The following MEIOSIN variants were observed in gnomAD, a reference collection of about 807,000 sequenced individuals.
The protein encoded by MEIOSIN is meiosis initiator protein.
In MEIOSIN, 18 loss-of-function variants were observed where a neutral mutation model predicts 23.4. The observed-to-expected ratio is 0.77, with a 90% CI of 0.53 to 1.14. The LOEUF is 1.14. MEIOSIN is among the 50% of genes most tolerant of loss of function. The probability of loss-of-function intolerance (pLI) is 0.00; values close to 1 mark genes in which losing one functional copy is unlikely to be tolerated. For missense variants in MEIOSIN, 428 were observed against 242.9 expected (o/e 1.76, Z -5.07); for synonymous variants, 187 against 100.6 (o/e 1.86, Z -5.14).
rs1387521260 is a variant in MEIOSIN, at chr19:45,735,434, G to A, written c.58G>A (p.Gly20Ser). 1.4e-6 allele frequency: 1 copy of A among 702,390 alleles called. No individual in the cohort carries two copies. The highest frequency in any genetic ancestry group is 2.6e-6 in the Non-Finnish European group (1 of 384,788). The allele number at this position is 702,390 out of a possible 1,614,324, so 43.5% of individuals were successfully genotyped here. A position where few individuals can be genotyped will look rare whatever the true frequency, so the allele number is the denominator to read the frequency against. ...TGAACAGCCCAGAGCTAATTCACTG[G>A]GTCCCAGTGACAGGTAAGGGCTTGC... ...SSEQPRANSL[G>S]PSDRTLVLCS... Residue 20 changes from glycine to serine, a missense_variant, in exon 2 of 15, where the codon GGT becomes AGT. Physicochemically the swap from Gly to Ser is moderately conservative, Grantham distance 56. Transcript: ENST00000457052.
chr19:45,751,774 A>G lies in MEIOSIN; in HGVS notation c.418+988A>G, dbSNP rs113096019. On this transcript the variant is annotated intron_variant, in intron 5 of 14. Transcript: ENST00000457052. ...AGGCAGAGTTTAGCTCTTGTTGCGCAGGCTGGAGTGCAGTGGCGTGATCTT... is the reference window on the plus strand; with the variant it reads ...AGGCAGAGTTTAGCTCTTGTTGCGCGGGCTGGAGTGCAGTGGCGTGATCTT... Among the ~76,000 whole-genome samples the G allele has an allele frequency of 7.4e-3, 1,120 of 151,054 alleles. 11 individuals are homozygous for G. Among genetic ancestry groups the G allele is most frequent in the Middle Eastern group, 0.021 (6 of 292 alleles).
At chr19:45,736,724 A>G (rs1968414136) in intron 2 of MEIOSIN, among the ~76,000 whole-genome samples, 2 of 151,420 alleles carry the variant, frequency 1.3e-5, no homozygotes, top group South Asian at 4.2e-4. Flanking sequence ...GCCCACCACC[A>G]TGCCTGGCTA....
At position 45,751,523 on chromosome 19, in the gene MEIOSIN, G is replaced by GTTTTC. The variant is rs1472153208; in HGVS notation, c.418+741_418+742insCTTTT. ...TTTATTTATTTGTGCTTTTTGTTTT[G>GTTTTC]TTTTGTTTTTTGTTTTTTGTGTGTT... On this transcript the variant is annotated intron_variant, in intron 5 of 14. Transcript: ENST00000457052. 5.9e-5 allele frequency among the ~76,000 whole-genome samples: 9 copies of GTTTTC among 151,298 alleles called. No homozygotes were observed. The South Asian group carries it at 1.9e-3, about 32-fold the overall frequency.
At chr19:45,746,944 G>C (rs540994867) in intron 4 of MEIOSIN, among the ~76,000 whole-genome samples, 4 of 152,222 alleles carry the variant, frequency 2.6e-5, no homozygotes, top group Non-Finnish European at 4.4e-5. Context: ...TGGAACTTTG[G>C]GGGGATGCAT....
At chr19:45,760,462 C>T (rs1052936777) in intron 11 of MEIOSIN, among the ~76,000 whole-genome samples, 4 of 151,580 alleles carry the variant, frequency 2.6e-5, no homozygotes, top group East Asian at 1.9e-4. Context: ...CAAAATTAGC[C>T]GGGTGTGGTG....
At chr19:45,753,832 C>T in intron 6 of MEIOSIN, 44 bp downstream of exon 6, 1 of 681,508 alleles carries the variant, frequency 1.5e-6, no homozygotes, top group East Asian at 2.7e-5. Context: ...CCAGGTCACC[C>T]AGGAGCAGGG....
intron 7 of MEIOSIN, among the ~76,000 whole-genome samples, chr19:45,755,150 CTTTTT>C (rs974858195): frequency 3.4e-4 from 47 of 137,794 alleles, no homozygotes; most frequent in Non-Finnish European, 6.6e-4. Flanking sequence ...TCAGCCTTTT[CTTTTT>C]TTTTTTTTTT....
chr19:45,750,227 G>A (rs983362272), intron 4 of MEIOSIN, among the ~76,000 whole-genome samples: 14 of 148,234 alleles, frequency 9.4e-5, no homozygotes, highest in Non-Finnish European at 5.9e-5. Flanking sequence ...CTACAGGCTG[G>A]AGTGCAGTGG....
intron 5 of MEIOSIN, among the ~76,000 whole-genome samples, chr19:45,751,220 C>A (rs1389063298): frequency 6.6e-6 from 1 of 150,424 alleles, no homozygotes; most frequent in African/African-American, 2.4e-5. Context: ...TGCTGTGAGC[C>A]GAGATCACGC....
In MEIOSIN at chr19:45,753,706, C is replaced by T. The variant is rs1468137647; in HGVS notation, c.474C>T (p.Pro158=). ...CCAGGCGGAGGAGACACTCTACCCC[C>T]TCCAGCTCCCCAAGCTCTCAGAAGT... ...GPARRRRHST[P]SSSPSSQKSC... The change falls in exon 6 of 15, where the codon CCC becomes CCT. Residue 158 remains proline (P), a synonymous_variant. Coordinates refer to ENST00000457052, the MANE Select transcript of MEIOSIN (RefSeq NM_001310124.2). 1.0e-5 allele frequency: 7 copies of T among 702,884 alleles called. No homozygotes were observed. Among genetic ancestry groups the T allele is most frequent in the Non-Finnish European group, 1.3e-5 (5 of 384,992 alleles). The allele number at this position is 702,884 out of a possible 1,614,324, so 43.5% of individuals were successfully genotyped here.
chr19:45,760,771 A>C (rs891711911), intron 11 of MEIOSIN, among the ~76,000 whole-genome samples: 1 of 151,776 alleles, frequency 6.6e-6, no homozygotes, highest in African/African-American at 2.4e-5. Context: ...TCTACTAAAA[A>C]TACAAAATTA....
In MEIOSIN at chr19:45,739,857, T is replaced by G. The variant is rs1400984974; in HGVS notation, c.176+127T>G. ...ACACACATGCTTTCTTTCTTCCTTT[T>G]TTTTTTTGAGACAGAGCTTTGCTCT... On this transcript the variant is annotated intron_variant, in intron 3 of 14. Coordinates refer to ENST00000457052, the MANE Select transcript of MEIOSIN (RefSeq NM_001310124.2). The G allele has an allele frequency of 6.5e-6, 4 of 619,414 alleles. No individual in the cohort carries two copies. The African/African-American group carries it at 7.4e-5, about 11-fold the overall frequency. The allele number at this position is 619,414 out of a possible 1,614,324, so 38.4% of individuals were successfully genotyped here. A position where few individuals can be genotyped will look rare whatever the true frequency, so the allele number is the denominator to read the frequency against.
At chr19:45,741,319 C>T (rs1968500668) in intron 3 of MEIOSIN, among the ~76,000 whole-genome samples, 1 of 151,170 alleles carries the variant, frequency 6.6e-6, no homozygotes, top group African/African-American at 2.4e-5. Flanking sequence ...TGTACTCCAG[C>T]CTGGACAAGA....
chr19:45,752,063 G>T (rs1426515035), intron 5 of MEIOSIN, among the ~76,000 whole-genome samples: 23 of 122,094 alleles, frequency 1.9e-4, no homozygotes, highest in African/African-American at 5.7e-4. Context: ...TTGAGACAAG[G>T]TCTCACTCTG....
chr19:45,753,585 G>C, intron 5 of MEIOSIN, 66 bp from the exon 6 acceptor site: 1 of 652,736 alleles, frequency 1.5e-6, no homozygotes, highest in East Asian at 2.7e-5. Flanking sequence ...TGTCTGGAAG[G>C]CAGGAACTGC....
At chr19:45,739,550 A>G (rs1232013400) in intron 2 of MEIOSIN, 76 bp from the exon 3 acceptor site, 1 of 698,502 alleles carries the variant, frequency 1.4e-6, no homozygotes, top group East Asian at 2.7e-5. Context: ...TCTTTCTAAG[A>G]TTGATTGACT....
Position 45,754,766 on chromosome 19 carries a change from A to C in MEIOSIN, c.802+42A>C, listed in dbSNP as rs918164. On this transcript the variant is annotated intron_variant, in intron 7 of 14. Transcript: ENST00000457052. Reference sequence around the variant, plus strand: ...ACTCTGAACTTAGTCTTTCAGTAAGATGCCACTCTGGGGGCACCTGCTGTG... The same window carrying C: ...ACTCTGAACTTAGTCTTTCAGTAAGCTGCCACTCTGGGGGCACCTGCTGTG... 464 of 699,660 alleles carry C rather than the reference A, an allele frequency of 6.6e-4. 3 individuals are homozygous for C. The East Asian group carries it at 0.011, about 17-fold the overall frequency. The allele number at this position is 699,660 out of a possible 1,614,324, so 43.3% of individuals were successfully genotyped here. A position where few individuals can be genotyped will look rare whatever the true frequency, so the allele number is the denominator to read the frequency against.
chr19:45,735,375 A>C lies in MEIOSIN; in HGVS notation c.1-2A>C. The C allele has an allele frequency of 2.8e-6, 2 of 702,546 alleles. No homozygotes were observed. Among genetic ancestry groups the C allele is most frequent in the Non-Finnish European group, 5.2e-6 (2 of 384,814 alleles). The allele number at this position is 702,546 out of a possible 1,614,324, so 43.5% of individuals were successfully genotyped here. A position where few individuals can be genotyped will look rare whatever the true frequency, so the allele number is the denominator to read the frequency against. On this transcript the variant is annotated splice_acceptor_variant, in intron 1 of 14. Coordinates refer to ENST00000457052, the MANE Select transcript of MEIOSIN (RefSeq NM_001310124.2). LOFTEE classifies it low-confidence loss of function (5UTR_SPLICE). ...CTAATCATTCTTTTTCCCTCTTTGC[A>C]GATGTTTGGTTCCAGCAGATACTTG...
At position 45,735,449 on chromosome 19, in the gene MEIOSIN, TA is replaced by T. The variant is rs2146170419; in HGVS notation, c.71+4del. ...TAATTCACTGGGTCCCAGTGACAGGTAAGGGCTTGCCCCATCTCCCTTATAG... is the reference window on the plus strand; with the variant it reads ...TAATTCACTGGGTCCCAGTGACAGGTAGGGCTTGCCCCATCTCCCTTATAG... On this transcript the variant is annotated splice_donor_region_variant and intron_variant, in intron 2 of 14. Transcript: ENST00000457052. The T allele has an allele frequency of 1.4e-6, 1 of 702,226 alleles. No individual in the cohort carries two copies. The highest frequency in any genetic ancestry group is 2.7e-5 in the East Asian group (1 of 37,244). The allele number at this position is 702,226 out of a possible 1,614,324, so 43.5% of individuals were successfully genotyped here.
Sources: gnomAD v4.1 joint callset for allele counts (sites outside exome capture counted in the v4.1 genomes callset) on GRCh38, gnomAD v4.1.1 for gene constraint, MANE v1.5 for transcripts, NCBI Gene and HGNC (gene_info 2026-07-23, HGNC 2026-07-21) for gene names.